The following CCDC150 variants were observed in gnomAD, a reference collection of about 807,000 sequenced individuals.
CCDC150 encodes the protein coiled-coil domain containing 150, also known as coiled-coil domain-containing protein 150.
A neutral mutation model predicts 156.5 loss-of-function variants in CCDC150; 151 were observed. The observed-to-expected ratio is 0.97, with a 90% CI of 0.85 to 1.10. The LOEUF is 1.10. CCDC150 is among the 50% of genes least tolerant of loss of function. CCDC150 has a pLI of 0.00. For missense variants in CCDC150, 1,312 were observed against 1,268.1 expected (o/e 1.03, Z -0.53); for synonymous variants, 452 against 429.4 (o/e 1.05, Z -0.65).
intron 13 of CCDC150, among the ~76,000 whole-genome samples, chr2:196,681,718 G>T (rs996505071): frequency 6.6e-6 from 1 of 152,120 alleles, no homozygotes; most frequent in African/African-American, 2.4e-5. Flanking sequence ...AGTAACTAAT[G>T]ACGTTAAGCA....
intron 8 of CCDC150, among the ~76,000 whole-genome samples, chr2:196,670,689 G>T (rs1694149616): frequency 6.6e-6 from 1 of 151,472 alleles, no homozygotes. Context: ...AGATCTTACT[G>T]CTAATAGGAA....
chr2:196,665,543 C>G (rs1449584506), intron 5 of CCDC150, 24 bp from the exon 6 acceptor site: 1 of 1,421,602 alleles, frequency 7.0e-7, no homozygotes, highest in East Asian at 2.4e-5. Flanking sequence ...ATTGGTCTTG[C>G]CTAACTGCAG....
intron 14 of CCDC150, among the ~76,000 whole-genome samples, chr2:196,696,492 A>G (rs1695839518): frequency 6.6e-6 from 1 of 152,200 alleles, no homozygotes; most frequent in Non-Finnish European, 1.5e-5. Context: ...ATCCATTGCC[A>G]GTGAGCAGGC....
Position 196,657,104 on chromosome 2 carries a change from AC to A in CCDC150, c.545del (p.Thr182MetfsTer4). 1.2e-6 allele frequency: 2 copies of A among 1,613,788 alleles called. No individual in the cohort carries two copies. The highest frequency in any genetic ancestry group is 1.7e-6 in the Non-Finnish European group (2 of 1,179,728). ...GGCACAAGATGAGGTGCAAAGGTTG[AC>A]TGCCACTCTGAAGATTGCCTCGCAG... ...DKAQDEVQRL[T>X]ATLKIASQTK... On this transcript the variant is annotated frameshift_variant, in exon 4 of 28. Coordinates refer to ENST00000389175, the MANE Select transcript of CCDC150 (RefSeq NM_001080539.2). LOFTEE classifies it high-confidence loss of function.
chr2:196,694,601 T>C (rs1252790563), intron 13 of CCDC150, among the ~76,000 whole-genome samples: 2 of 152,126 alleles, frequency 1.3e-5, no homozygotes, highest in Non-Finnish European at 2.9e-5. Flanking sequence ...CTGTGGCTTA[T>C]GTCTGTAATC....
rs6729487 is a variant in CCDC150 at position 196,732,334 on chromosome 2, G to A, written c.3190-112G>A. On this transcript the variant is annotated intron_variant, in intron 27 of 27. Coordinates refer to ENST00000389175, the MANE Select transcript of CCDC150 (RefSeq NM_001080539.2). ...AGTTCCACCTGTCACAAACTTTTTAGATTAGAATCACTTGTCTTCATGAAT... is the reference window on the plus strand; with the variant it reads ...AGTTCCACCTGTCACAAACTTTTTAAATTAGAATCACTTGTCTTCATGAAT... The A allele has an allele frequency of 5.5e-3, 6,148 of 1,125,236 alleles. 203 individuals are homozygous for A. In the African/African-American group the frequency reaches 0.077, roughly 14 times the overall value. The allele number at this position is 1,125,236 out of a possible 1,614,324, so 69.7% of individuals were successfully genotyped here.
At chr2:196,703,709 ATGACAGAC>A (rs937052413) in intron 15 of CCDC150, among the ~76,000 whole-genome samples, 1 of 152,188 alleles carries the variant, frequency 6.6e-6, no homozygotes, top group Non-Finnish European at 1.5e-5. Context: ...CCAGGCTCTC[ATGACAGAC>A]TTAAAGCCAA....
intron 7 of CCDC150, among the ~76,000 whole-genome samples, chr2:196,669,618 A>G (rs1694073071): frequency 6.6e-6 from 1 of 152,218 alleles, no homozygotes; most frequent in South Asian, 2.1e-4. Context: ...CCTCAGCTTA[A>G]AATCCTTCAG....
chr2:196,725,118 A>G (rs190284576), intron 21 of CCDC150, among the ~76,000 whole-genome samples: 1 of 152,194 alleles, frequency 6.6e-6, no homozygotes, highest in African/African-American at 2.4e-5. Flanking sequence ...TGGATATATT[A>G]TACAAATAAG....
Position 196,732,178 on chromosome 2 carries a change from A to G in CCDC150, c.3189+26A>G, listed in dbSNP as rs369629695. 75 of 1,613,054 alleles carry G rather than the reference A, an allele frequency of 4.6e-5. No homozygotes were observed. The African/African-American group carries it at 8.3e-4, about 18-fold the overall frequency. ...GTAAGATTAAGACATGGATGTCTTA[A>G]GCAATTTTCTACTTGTTGCTTCTCA... On this transcript the variant is annotated intron_variant, in intron 27 of 27. Transcript: ENST00000389175.
At chr2:196,720,774 C>A in intron 20 of CCDC150, 106 bp downstream of exon 20, 1 of 1,000,856 alleles carries the variant, frequency 1.0e-6, no homozygotes, top group Non-Finnish European at 1.5e-6. Flanking sequence ...ATGTTTTTTT[C>A]AATCAAGTCT....
intron 5 of CCDC150, among the ~76,000 whole-genome samples, chr2:196,662,548 C>A (rs1257268215): frequency 1.3e-5 from 2 of 152,166 alleles, no homozygotes; most frequent in Non-Finnish European, 2.9e-5. Flanking sequence ...ACTAATCTGA[C>A]AGGAGGCGGA....
At chr2:196,716,895 C>T (rs1697549674) in intron 17 of CCDC150, among the ~76,000 whole-genome samples, 2 of 114,638 alleles carry the variant, frequency 1.7e-5, no homozygotes, top group South Asian at 2.9e-4. Flanking sequence ...CTCGCTGTGT[C>T]GCCAGGCTGG....
chr2:196,672,433 C>A lies in CCDC150; in HGVS notation c.1025C>A (p.Ala342Glu). The part of the protein sequence containing the change: ...IMSLHEASEK[A>E]QVLNDQLTKK... ...TCTCTTCATGAAGCATCAGAAAAAG[C>A]ACAAGTAAATGCTCATGATTTTGTT... The change falls in exon 9 of 28, where the codon GCA (alanine) becomes GAA (glutamate). Residue 342 changes from alanine to glutamate, a missense_variant. Ala to Glu is a moderately radical substitution (Grantham distance 107). Coordinates refer to ENST00000389175, the MANE Select transcript of CCDC150 (RefSeq NM_001080539.2). The A allele has an allele frequency of 6.7e-7, 1 of 1,484,876 alleles. No individual in the cohort carries two copies. Among genetic ancestry groups the A allele is most frequent in the East Asian group, 2.5e-5 (1 of 39,344 alleles). The allele number at this position is 1,484,876 out of a possible 1,614,324, so 92.0% of individuals were successfully genotyped here.
rs1463700996 is a variant in CCDC150, at chr2:196,730,832, A to G, written c.2983-27A>G. The G allele has an allele frequency of 5.2e-6, 8 of 1,532,944 alleles. No homozygotes were observed. In the Admixed American group the frequency reaches 1.4e-4, roughly 26 times the overall value. 95.0% of individuals were successfully genotyped at this position (1,532,944 alleles called of 1,614,324 possible). ...GTTTCTTATGGTATGTTGGAAGTTT[A>G]TAAAAATCTTTGTATCACATTTTCA... is the stretch of plus-strand genomic sequence containing the variant. On this transcript the variant is annotated intron_variant, in intron 25 of 27. Transcript: ENST00000389175.
At chr2:196,671,275 C>G (rs1694182895) in intron 8 of CCDC150, among the ~76,000 whole-genome samples, 1 of 152,078 alleles carries the variant, frequency 6.6e-6, no homozygotes, top group Admixed American at 6.6e-5. Flanking sequence ...TTTTTACTGT[C>G]TCCATAGATT....
At chr2:196,646,831 CAT>C (rs35110832) in intron 2 of CCDC150, among the ~76,000 whole-genome samples, 98,911 of 151,798 alleles carry the variant, frequency 0.65, 33,270 homozygotes, top group East Asian at 0.92. Flanking sequence ...TAAAAAGAGA[CAT>C]ATTAAGGTTA....
At chr2:196,716,902 C>T (rs1450225083) in intron 17 of CCDC150, among the ~76,000 whole-genome samples, 1 of 124,160 alleles carries the variant, frequency 8.1e-6, no homozygotes, top group Non-Finnish European at 1.6e-5. Flanking sequence ...TGTCGCCAGG[C>T]TGGAGTACAG....
At chr2:196,640,102 A>G (rs6434873) in intron 1 of CCDC150, among the ~76,000 whole-genome samples, 89,264 of 151,986 alleles carry the variant, frequency 0.59, 29,683 homozygotes, top group East Asian at 0.92. Context: ...TTCGGCGTTA[A>G]TGTTTGATTT....
Sources: allele counts gnomAD v4.1 joint callset (sites outside exome capture counted in the v4.1 genomes callset), GRCh38; gene constraint gnomAD v4.1.1; transcripts MANE v1.5; gene names NCBI Gene and HGNC (gene_info 2026-07-23, HGNC 2026-07-21).